SLIT3: variants seen among roughly 807,000 people sequenced by gnomAD.
SLIT3 encodes slit homolog 3 protein.
In SLIT3, 68 loss-of-function variants were observed where a neutral mutation model predicts 184.0. That is an observed-to-expected ratio of 0.37 (90% confidence interval 0.30 to 0.45). The LOEUF (loss-of-function observed/expected upper bound fraction) is 0.45, where lower values mean the gene tolerates loss of function less well. SLIT3 is among the 20% of genes least tolerant of loss of function. The probability of loss-of-function intolerance (pLI) is 1.00; values close to 1 mark genes in which losing one functional copy is unlikely to be tolerated. For synonymous variants in SLIT3, 831 were observed against 828.6 expected (o/e 1.00, Z -0.05); for missense variants, 1,707 against 2,026.0 (o/e 0.84, Z 3.02).
At chr5:169,217,150 A>AAAAC (rs1561745680) in intron 3 of SLIT3, among the ~76,000 whole-genome samples, 1 of 149,434 alleles carries the variant, frequency 6.7e-6, no homozygotes, top group Admixed American at 6.8e-5. Flanking sequence ...AAAAAAAAAA[A>AAAAC]AACTTAGACT....
chr5:168,806,055 C>T (rs1756945839), intron 9 of SLIT3, among the ~76,000 whole-genome samples: 1 of 152,210 alleles, frequency 6.6e-6, no homozygotes, highest in Non-Finnish European at 1.5e-5. Context: ...AGTTTGCAAA[C>T]TCATTGGGAC....
At chr5:169,089,426 G>C (rs73802478) in intron 4 of SLIT3, among the ~76,000 whole-genome samples, 1 of 152,202 alleles carries the variant, frequency 6.6e-6, no homozygotes, top group East Asian at 1.9e-4. Context: ...GTTAGCAGGG[G>C]TGCTGTCTGT....
Position 168,662,896 on chromosome 5 carries a change from G to A in SLIT3, c.*3558C>T, listed in dbSNP as rs1423392899. The stretch of plus-strand genomic sequence containing the variant: ...TGTTTCTAGAATGTGACTGCTCAAG[G>A]AGAGAGCGTTTTAATCATCATTTGT... On this transcript the variant is annotated 3_prime_UTR_variant, in exon 36 of 36. Coordinates refer to ENST00000519560, the MANE Select transcript of SLIT3 (RefSeq NM_003062.4). The A allele has an allele frequency of 6.6e-6, 1 of 152,250 alleles. No individual in the cohort carries two copies. Among genetic ancestry groups the A allele is most frequent in the East Asian group, 1.9e-4 (1 of 5,200 alleles). 9.4% of individuals were successfully genotyped at this position (152,250 alleles called of 1,614,324 possible). A position where few individuals can be genotyped will look rare whatever the true frequency, so the allele number is the denominator to read the frequency against.
At chr5:169,100,963 AT>A (rs1759988646) in intron 4 of SLIT3, among the ~76,000 whole-genome samples, 1 of 152,216 alleles carries the variant, frequency 6.6e-6, no homozygotes, top group South Asian at 2.1e-4. Context: ...GTAGCCCAGC[AT>A]GGGAGTCAGC....
At chr5:168,973,773 A>G (rs1486645853) in intron 4 of SLIT3, among the ~76,000 whole-genome samples, 1 of 152,182 alleles carries the variant, frequency 6.6e-6, no homozygotes, top group Non-Finnish European at 1.5e-5. Flanking sequence ...ACCACTAATC[A>G]GGACTCACAC....
chr5:169,189,951 C>T (rs750213), intron 4 of SLIT3, among the ~76,000 whole-genome samples: 4,771 of 152,242 alleles, frequency 0.031, 387 homozygotes, highest in East Asian at 0.3. Flanking sequence ...GTACTCAAAG[C>T]GCAGGGAACT....
intron 4 of SLIT3, among the ~76,000 whole-genome samples, chr5:169,161,337 G>A (rs1762471353): frequency 6.6e-6 from 1 of 152,166 alleles, no homozygotes; most frequent in Admixed American, 6.5e-5. Context: ...CTGCCATGCT[G>A]AAACTATTTG....
chr5:169,145,283 A>AAACACAATTT (rs1479524743), intron 4 of SLIT3, among the ~76,000 whole-genome samples: 1 of 151,768 alleles, frequency 6.6e-6, no homozygotes, highest in Non-Finnish European at 1.5e-5. Context: ...ACTACAGAGG[A>AAACACAATTT]AACACAATTT....
intron 23 of SLIT3, among the ~76,000 whole-genome samples, chr5:168,719,521 G>GCTATGGAGACGATAGCA (rs1231247930): frequency 6.6e-6 from 1 of 152,110 alleles, no homozygotes; most frequent in African/African-American, 2.4e-5. Context: ...TCCATGTAAC[G>GCTATGGAGACGATAGCA]CTATGTGATA....
At chr5:168,918,263 C>T (rs1166066456) in intron 4 of SLIT3, among the ~76,000 whole-genome samples, 2 of 152,130 alleles carry the variant, frequency 1.3e-5, no homozygotes, top group Admixed American at 6.5e-5. Context: ...CATTTAAAAA[C>T]GACTTGAGAG....
At chr5:169,001,575 A>G (rs1294090444) in intron 4 of SLIT3, among the ~76,000 whole-genome samples, 1 of 152,106 alleles carries the variant, frequency 6.6e-6, no homozygotes, top group African/African-American at 2.4e-5. Context: ...GACCAATTTC[A>G]TTTTTCTGTC....
At chr5:168,670,098 G>T in intron 34 of SLIT3, 107 bp from the exon 35 acceptor site, 1 of 861,954 alleles carries the variant, frequency 1.2e-6, no homozygotes, top group Non-Finnish European at 1.9e-6. Context: ...GCTGAGTACA[G>T]TCCAATAGCT....
At chr5:169,292,095 T>A (rs1298763587) in intron 1 of SLIT3, among the ~76,000 whole-genome samples, 1 of 152,106 alleles carries the variant, frequency 6.6e-6, no homozygotes, top group Non-Finnish European at 1.5e-5. Context: ...TCATTCTTCA[T>A]CATGTCTGTT....
intron 4 of SLIT3, among the ~76,000 whole-genome samples, chr5:168,929,999 G>C (rs1761940354): frequency 6.6e-6 from 1 of 152,184 alleles, no homozygotes; most frequent in Non-Finnish European, 1.5e-5. Flanking sequence ...AAGAGACTCA[G>C]TGAGCCCACG....
intron 29 of SLIT3, among the ~76,000 whole-genome samples, chr5:168,689,743 C>T (rs894931823): frequency 1.3e-5 from 2 of 152,236 alleles, no homozygotes; most frequent in African/African-American, 2.4e-5. Context: ...CTTGGACAAA[C>T]GTCACCCTGA....
chr5:168,769,178 A>G (rs753066272), intron 14 of SLIT3, among the ~76,000 whole-genome samples: 6 of 152,154 alleles, frequency 3.9e-5, no homozygotes, highest in Admixed American at 1.3e-4. Context: ...GAACAGGATG[A>G]ACCAATAACC....
At chr5:169,166,924 CG>C (rs1477821261) in intron 4 of SLIT3, among the ~76,000 whole-genome samples, 2 of 152,028 alleles carry the variant, frequency 1.3e-5, no homozygotes, top group Non-Finnish European at 2.9e-5. Context: ...CCACAGTGCT[CG>C]GGGAGGCTGA....
chr5:168,783,483 G>C (rs1027823244), intron 12 of SLIT3, among the ~76,000 whole-genome samples: 1 of 152,170 alleles, frequency 6.6e-6, no homozygotes, highest in African/African-American at 2.4e-5. Context: ...ATTACCGCCA[G>C]CATCACAGCA....
At chr5:169,015,931 AACACACACACACACACAC>A (rs3138760) in intron 4 of SLIT3, among the ~76,000 whole-genome samples, 1,290 of 120,374 alleles carry the variant, frequency 0.011, 23 homozygotes, top group African/African-American at 0.034. Context: ...GAAAAATATA[AACACACACACACACACAC>A]ACACACACAC....
Sources: allele counts gnomAD v4.1 joint callset (sites outside exome capture counted in the v4.1 genomes callset), GRCh38; gene constraint gnomAD v4.1.1; transcripts MANE v1.5; gene names NCBI Gene and HGNC (gene_info 2026-07-23, HGNC 2026-07-21).